Variants in FOXK1 observed in about 807,000 individuals in gnomAD.
FOXK1 encodes forkhead box protein K1.
A neutral mutation model predicts 51.9 loss-of-function variants in FOXK1; 19 were observed. The observed-to-expected ratio is 0.37, with a 90% CI of 0.26 to 0.54. The LOEUF is 0.54. Ranked by LOEUF, FOXK1 falls within the 20% of genes least tolerant of loss-of-function variation. The pLI, the probability that FOXK1 is intolerant of heterozygous loss-of-function variation, is 0.87. For synonymous variants in FOXK1, 537 were observed against 482.6 expected (o/e 1.11, Z -1.48); for missense variants, 870 against 1,032.7 (o/e 0.84, Z 2.16).
chr7:4,687,907 A>G (rs1779841178), intron 1 of FOXK1, among the ~76,000 whole-genome samples: 1 of 152,114 alleles, frequency 6.6e-6, no homozygotes, highest in Non-Finnish European at 1.5e-5. Context: ...TTATTTTTTA[A>G]TTTTGTAGAG....
chr7:4,750,560 A>C (rs1780762441), intron 2 of FOXK1, among the ~76,000 whole-genome samples: 1 of 151,210 alleles, frequency 6.6e-6, no homozygotes, highest in Non-Finnish European at 1.5e-5. Context: ...CTCCTGCCTC[A>C]GCCTCCCAAG....
At chr7:4,691,649 A>G (rs1779892754) in intron 1 of FOXK1, among the ~76,000 whole-genome samples, 3 of 152,038 alleles carry the variant, frequency 2.0e-5, no homozygotes, top group Non-Finnish European at 4.4e-5. Flanking sequence ...GCCATTATAC[A>G]TGATTTGATT....
At chr7:4,706,197 T>G (rs191963062) in intron 1 of FOXK1, among the ~76,000 whole-genome samples, 25 of 151,904 alleles carry the variant, frequency 1.6e-4, no homozygotes, top group African/African-American at 6.1e-4. Flanking sequence ...TCCTCCTGTT[T>G]CCATTTAAAG....
At position 4,743,739 on chromosome 7, in the gene FOXK1, C is replaced by T. The variant is rs916193456; in HGVS notation, c.746+2716C>T. Among the ~76,000 whole-genome samples the T allele has an allele frequency of 2.8e-4, 42 of 152,096 alleles. No homozygotes were observed. Among genetic ancestry groups the T allele is most frequent in the African/African-American group, 9.7e-4 (40 of 41,408 alleles). ...GAGGCTGGTCCTGCTGCTTTTGGGGCGGGTAGCAAAGGCCTCAGGTCCAGA... is the reference window on the plus strand; with the variant it reads ...GAGGCTGGTCCTGCTGCTTTTGGGGTGGGTAGCAAAGGCCTCAGGTCCAGA... On this transcript the variant is annotated intron_variant, in intron 2 of 8. Transcript: ENST00000328914. The surrounding 1 kb of genome is among the most constrained non-coding windows in gnomAD (Gnocchi z 5.3).
rs999115427 is a variant in FOXK1, at chr7:4,758,429, G to A, written c.1245-622G>A. The A allele has an allele frequency of 1.3e-5, 2 of 152,444 alleles. No homozygotes were observed. Among genetic ancestry groups the A allele is most frequent in the Admixed American group, 6.5e-5 (1 of 15,300 alleles). The allele number at this position is 152,444 out of a possible 1,614,324, so 9.4% of individuals were successfully genotyped here. Reference sequence around the variant, plus strand: ...AGGAGATCTCCTGAGCGGCAGTCTCGGAAATCCTTCCCCGTGGAAGGACAC... The same window carrying A: ...AGGAGATCTCCTGAGCGGCAGTCTCAGAAATCCTTCCCCGTGGAAGGACAC... On this transcript the variant is annotated intron_variant, in intron 5 of 8. Coordinates refer to ENST00000328914, the MANE Select transcript of FOXK1 (RefSeq NM_001037165.2). The surrounding 1 kb of genome is among the most constrained non-coding windows in gnomAD (Gnocchi z 4.4).
rs370103596 is a variant in FOXK1 at position 4,755,253 on chromosome 7, C to A, written c.920C>A (p.Pro307Gln). 3 of 1,613,970 alleles carry A rather than the reference C, an allele frequency of 1.9e-6. No homozygotes were observed. The highest frequency in any genetic ancestry group is 1.7e-6 in the Non-Finnish European group (2 of 1,180,022). Residue 307 changes from proline (P) to glutamine (Q), a missense_variant, in exon 4 of 9, where the codon CCG becomes CAG. Coordinates refer to ENST00000328914, the MANE Select transcript of FOXK1 (RefSeq NM_001037165.2). This position sits in a 1 kb window ranked among gnomAD's most constrained non-coding sequence, Gnocchi z 6.6. ...TCTCCGCAGGATGAGTCAAAGCCGC[C>A]GTTCTCCTACGCGCAGCTGATCGTG... ...GDSPKDESKP[P>Q]FSYAQLIVQA... is the part of the protein sequence containing the mutation.
chr7:4,738,859 C>T (rs992100067), intron 1 of FOXK1, among the ~76,000 whole-genome samples: 3 of 152,188 alleles, frequency 2.0e-5, no homozygotes, highest in Admixed American at 6.5e-5. Flanking sequence ...GCCTGATTTT[C>T]TCTCTTCCAT....
rs1448932397 is a variant in FOXK1, at chr7:4,758,038, AG to A, written c.1244+853del. ...TAGAAGTGGAAATGTGTGTAGCAAT[AG>A]GAACGGTTCCTAAGGCCAAGAATAA... On this transcript the variant is annotated intron_variant, in intron 5 of 8. Coordinates refer to ENST00000328914, the MANE Select transcript of FOXK1 (RefSeq NM_001037165.2). This position sits in a 1 kb window ranked among gnomAD's most constrained non-coding sequence, Gnocchi z 4.4. The A allele has an allele frequency of 6.6e-6, 1 of 152,292 alleles. No homozygotes were observed. 9.4% of individuals were successfully genotyped at this position (152,292 alleles called of 1,614,324 possible). A position where few individuals can be genotyped will look rare whatever the true frequency, so the allele number is the denominator to read the frequency against.
At chr7:4,716,806 G>A (rs1213252044) in intron 1 of FOXK1, among the ~76,000 whole-genome samples, 2 of 152,230 alleles carry the variant, frequency 1.3e-5, no homozygotes, top group East Asian at 3.8e-4. Flanking sequence ...CAAAACAGAT[G>A]TCTACAAGTT....
chr7:4,689,103 G>T (rs1779858526), intron 1 of FOXK1, among the ~76,000 whole-genome samples: 1 of 151,742 alleles, frequency 6.6e-6, no homozygotes, highest in African/African-American at 2.4e-5. Flanking sequence ...TCAGCCTCCT[G>T]AGTAGCTGGG....
At chr7:4,736,498 C>T (rs548323157) in intron 1 of FOXK1, among the ~76,000 whole-genome samples, 195 of 151,686 alleles carry the variant, frequency 1.3e-3, no homozygotes, top group African/African-American at 4.6e-3. Context: ...CTGACATGGC[C>T]GCCTCCTGGG....
chr7:4,738,102 A>G (rs992231966), intron 1 of FOXK1, among the ~76,000 whole-genome samples: 2 of 149,764 alleles, frequency 1.3e-5, no homozygotes, highest in African/African-American at 4.9e-5. Context: ...ACCCTGGGCA[A>G]TAAGAGCCAA....
At position 4,747,680 on chromosome 7, in the gene FOXK1, C is replaced by T. The variant is rs1477928506; in HGVS notation, c.746+6657C>T. ...CCTCCTGAGTAGCTAGGACTACAGG[C>T]ACCCACCACCACACACACCCAGCTC... On this transcript the variant is annotated intron_variant, in intron 2 of 8. Coordinates refer to ENST00000328914, the MANE Select transcript of FOXK1 (RefSeq NM_001037165.2). The surrounding 1 kb of genome is among the most constrained non-coding windows in gnomAD (Gnocchi z 9.2). Among the ~76,000 whole-genome samples the T allele has an allele frequency of 2.0e-5, 3 of 151,314 alleles. No homozygotes were observed. The highest frequency in any genetic ancestry group is 2.0e-4 in the East Asian group (1 of 5,106).
chr7:4,735,626 C>T lies in FOXK1; in HGVS notation c.561-5212C>T, dbSNP rs1165574351. Among the ~76,000 whole-genome samples the T allele has an allele frequency of 6.6e-6, 1 of 152,182 alleles. No homozygotes were observed. The highest frequency in any genetic ancestry group is 1.5e-5 in the Non-Finnish European group (1 of 68,040). On this transcript the variant is annotated intron_variant, in intron 1 of 8. Transcript: ENST00000328914. The surrounding 1 kb of genome is among the most constrained non-coding windows in gnomAD (Gnocchi z 4.7). ...AGATGGGCACTTGCTCGTACAGGAA[C>T]CTTTCCGCCGGGCTGGTGGACGGAG...
intron 1 of FOXK1, among the ~76,000 whole-genome samples, chr7:4,699,808 C>G (rs1413320013): frequency 6.6e-6 from 1 of 152,184 alleles, no homozygotes; most frequent in East Asian, 1.9e-4. Context: ...TCTGTCTAGT[C>G]ACATTTACAT....
intron 1 of FOXK1, among the ~76,000 whole-genome samples, chr7:4,737,968 C>T (rs1174287030): frequency 3.3e-5 from 5 of 151,956 alleles, no homozygotes; most frequent in African/African-American, 1.2e-4. Context: ...ACTAAAAATA[C>T]AAAATTAGCT....
Position 4,682,473 on chromosome 7 carries a change from G to GCCA in FOXK1, c.167_168insACC (p.Pro59dup). On this transcript the variant is annotated inframe_insertion, in exon 1 of 9. Coordinates refer to ENST00000328914, the MANE Select transcript of FOXK1 (RefSeq NM_001037165.2). The surrounding 1 kb of genome is among the most constrained non-coding windows in gnomAD (Gnocchi z 7.6). ...AGCCTCCGCCCGGGCCGCCGCCGCC[G>GCCA]CCGCCACCGCCGCTGCCTCCGGGCG... The GCCA allele has an allele frequency of 1.0e-6, 1 of 987,530 alleles. No individual in the cohort carries two copies. The highest frequency in any genetic ancestry group is 1.2e-6 in the Non-Finnish European group (1 of 833,338). 61.2% of individuals were successfully genotyped at this position (987,530 alleles called of 1,614,324 possible).
chr7:4,706,032 A>G (rs1463044226), intron 1 of FOXK1, among the ~76,000 whole-genome samples: 4 of 102,186 alleles, frequency 3.9e-5, no homozygotes, highest in Admixed American at 2.6e-4. Context: ...ACGTGTATAT[A>G]CGTGTATATA....
chr7:4,732,371 C>A (rs767625936), intron 1 of FOXK1, among the ~76,000 whole-genome samples: 2 of 152,178 alleles, frequency 1.3e-5, no homozygotes, highest in African/African-American at 4.8e-5. Flanking sequence ...TAGCCCACTG[C>A]GGCCTCCGCT....
Sources: gnomAD v4.1 joint callset for allele counts (sites outside exome capture counted in the v4.1 genomes callset) on GRCh38, gnomAD v4.1.1 for gene constraint, Gnocchi (gnomAD v3.1) non-coding constraint, MANE v1.5 for transcripts, NCBI Gene and HGNC (gene_info 2026-07-23, HGNC 2026-07-21) for gene names.